The following SAMMSON variants were observed in gnomAD, a reference collection of about 807,000 sequenced individuals.
SAMMSON encodes the protein long intergenic non-protein coding RNA 1212.
At chr3:70,429,540 C>T (rs570836225) in intron 2 of SAMMSON, among the ~76,000 whole-genome samples, 8 of 152,240 alleles carry the variant, frequency 5.3e-5, no homozygotes, top group African/African-American at 1.9e-4. Flanking sequence ...AGCATTGAAT[C>T]TATAAATTAC....
chr3:70,245,886 A>G (rs916480657), intron 4 of SAMMSON, among the ~76,000 whole-genome samples: 5 of 151,142 alleles, frequency 3.3e-5, no homozygotes, highest in African/African-American at 1.2e-4. Context: ...GCCATTGCCA[A>G]TTTAGGACAC....
At chr3:70,035,487 C>A (rs980179883) in intron 3 of SAMMSON, among the ~76,000 whole-genome samples, 1 of 152,074 alleles carries the variant, frequency 6.6e-6, no homozygotes, top group African/African-American at 2.4e-5. Flanking sequence ...ATTGAATAAC[C>A]AGCAGCTAGG....
chr3:70,213,918 G>A (rs1701377375), intron 4 of SAMMSON, among the ~76,000 whole-genome samples: 1 of 152,046 alleles, frequency 6.6e-6, no homozygotes, highest in South Asian at 2.1e-4. Flanking sequence ...ATTAGGAAGA[G>A]GAAGATTTCT....
intron 2 of SAMMSON, among the ~76,000 whole-genome samples, chr3:70,420,090 G>C (rs935531251): frequency 1.3e-5 from 2 of 152,210 alleles, no homozygotes; most frequent in Non-Finnish European, 2.9e-5. Flanking sequence ...CTGGTGAAAG[G>C]TCCCTGAATT....
chr3:70,089,294 T>C (rs1460063741), intron 4 of SAMMSON, among the ~76,000 whole-genome samples: 2 of 152,190 alleles, frequency 1.3e-5, no homozygotes, highest in Non-Finnish European at 2.9e-5. Context: ...TTAATGAATG[T>C]ACACTATGAG....
intron 9 of SAMMSON, among the ~76,000 whole-genome samples, chr3:70,386,641 G>C (rs1379145582): frequency 6.6e-6 from 1 of 152,026 alleles, no homozygotes; most frequent in Non-Finnish European, 1.5e-5. Context: ...AATGTAATTA[G>C]AAAATAATTT....
In SAMMSON at chr3:70,279,482, C is replaced by T. The variant is rs561591233; in HGVS notation, n.675-11697C>T. On this transcript the variant is annotated intron_variant and non_coding_transcript_variant, in intron 6 of 9. Transcript: ENST00000642114. ...TTTTCTCTTCATCCCCTGTACCACA[C>T]ACAAATCTTGTGCACTTTCTCAGTT... Among the ~76,000 whole-genome samples, 3 of 152,264 alleles carry T rather than the reference C, an allele frequency of 2.0e-5. No individual in the cohort carries two copies. In the South Asian group the frequency reaches 6.2e-4, roughly 32 times the overall value.
At chr3:70,255,393 T>C (rs1041148766) in intron 6 of SAMMSON, among the ~76,000 whole-genome samples, 1 of 152,144 alleles carries the variant, frequency 6.6e-6, no homozygotes, top group African/African-American at 2.4e-5. Context: ...TAAGTAGATA[T>C]GGAATAAGCA....
chr3:70,111,338 A>G (rs547654399), intron 4 of SAMMSON, among the ~76,000 whole-genome samples: 1 of 152,328 alleles, frequency 6.6e-6, no homozygotes, highest in East Asian at 1.9e-4. Context: ...ATTTATAAAT[A>G]CTGGGAATCA....
intron 7 of SAMMSON, among the ~76,000 whole-genome samples, chr3:70,341,305 A>G (rs1230481051): frequency 6.6e-6 from 1 of 152,100 alleles, no homozygotes; most frequent in Non-Finnish European, 1.5e-5. Context: ...TCCCAGTAGC[A>G]TCTAGGACTG....
chr3:70,407,436 C>A (rs990144450), intron 2 of SAMMSON, among the ~76,000 whole-genome samples: 5 of 152,168 alleles, frequency 3.3e-5, no homozygotes, highest in African/African-American at 1.2e-4. Flanking sequence ...TTCCTAGATA[C>A]AATGGGGATA....
chr3:70,021,419 A>T (rs1254558851), intron 3 of SAMMSON, among the ~76,000 whole-genome samples: 3 of 152,210 alleles, frequency 2.0e-5, no homozygotes, highest in Non-Finnish European at 4.4e-5. Flanking sequence ...TTAGTCAATG[A>T]AAATGATGAA....
At chr3:70,200,761 A>G (rs1182860626) in intron 4 of SAMMSON, among the ~76,000 whole-genome samples, 1 of 152,166 alleles carries the variant, frequency 6.6e-6, no homozygotes, top group Non-Finnish European at 1.5e-5. Flanking sequence ...TAACAAGTAA[A>G]TATTGTAATC....
intron 4 of SAMMSON, among the ~76,000 whole-genome samples, chr3:70,081,538 C>T (rs952698038): frequency 4.6e-5 from 7 of 152,160 alleles, no homozygotes; most frequent in African/African-American, 1.7e-4. Flanking sequence ...GTTTGTAGCC[C>T]ACCTTGTGCA....
intron 4 of SAMMSON, among the ~76,000 whole-genome samples, chr3:70,210,318 A>G (rs1701330956): frequency 1.3e-5 from 2 of 152,078 alleles, no homozygotes; most frequent in South Asian, 2.1e-4. Flanking sequence ...TTTTAATTCT[A>G]TATCTCTGTT....
At chr3:70,333,335 G>A (rs1177557815) in intron 7 of SAMMSON, among the ~76,000 whole-genome samples, 2 of 151,440 alleles carry the variant, frequency 1.3e-5, no homozygotes, top group Non-Finnish European at 2.9e-5. Context: ...CCCTTTAAAC[G>A]TTAAATTAAA....
chr3:70,302,495 AG>A (rs1408613413), intron 7 of SAMMSON: 1 of 152,152 alleles, frequency 6.6e-6, no homozygotes, highest in African/African-American at 2.4e-5. Flanking sequence ...ATGTTGATTA[AG>A]TGTATCACAT....
chr3:70,208,626 A>G (rs923161272), intron 4 of SAMMSON, among the ~76,000 whole-genome samples: 2 of 152,108 alleles, frequency 1.3e-5, no homozygotes, highest in Non-Finnish European at 2.9e-5. Context: ...TTTGGGAACC[A>G]CGATGCCAGG....
chr3:70,129,700 T>C (rs766424428), intron 4 of SAMMSON, among the ~76,000 whole-genome samples: 1 of 152,214 alleles, frequency 6.6e-6, no homozygotes, highest in Non-Finnish European at 1.5e-5. Context: ...TCTGAGCTAG[T>C]TGCAGCAGAT....
Sources: allele counts gnomAD v4.1 joint callset (sites outside exome capture counted in the v4.1 genomes callset), GRCh38; gene constraint gnomAD v4.1.1; transcripts MANE v1.5; gene names NCBI Gene and HGNC (gene_info 2026-07-23, HGNC 2026-07-21).